The following REDIC1 variants were observed in gnomAD, a reference collection of about 807,000 sequenced individuals.
REDIC1 encodes the protein regulator of DNA class I crossover intermediates 1.
the REDIC1 span, among the ~76,000 whole-genome samples, chr12:39,663,179 T>C: frequency 6.6e-6 from 1 of 152,002 alleles, no homozygotes; most frequent in Non-Finnish European, 1.5e-5. Flanking sequence ...TTTTGTGTAG[T>C]TGATCTGTCT....
the REDIC1 span, among the ~76,000 whole-genome samples, chr12:39,895,677 C>T: frequency 8.3e-3 from 308 of 37,282 alleles, 46 homozygotes; most frequent in African/African-American, 0.018. Context: ...TGCGTGTATA[C>T]GTACACACAT....
At chr12:39,876,773 G>A in the REDIC1 span, among the ~76,000 whole-genome samples, 6 of 152,062 alleles carry the variant, frequency 3.9e-5, no homozygotes, top group Non-Finnish European at 7.4e-5. Context: ...CTATAAAGAC[G>A]TTAATTTCAT....
the REDIC1 span, among the ~76,000 whole-genome samples, chr12:39,723,649 A>G: frequency 6.6e-6 from 1 of 152,140 alleles, no homozygotes; most frequent in African/African-American, 2.4e-5. Context: ...ATGAAAATTT[A>G]ATGATTCTGC....
chr12:39,705,091 ATT>A, the REDIC1 span, among the ~76,000 whole-genome samples: 10 of 150,908 alleles, frequency 6.6e-5, no homozygotes, highest in African/African-American at 2.2e-4. Flanking sequence ...ATAAAATTAA[ATT>A]AAAAAAATAA....
chr12:39,631,232 A>G, the REDIC1 span, among the ~76,000 whole-genome samples: 92,428 of 152,068 alleles, frequency 0.61, 29,654 homozygotes, highest in Non-Finnish European at 0.71. Flanking sequence ...TTTTGATGGC[A>G]TTTTGTTCAA....
the REDIC1 span, among the ~76,000 whole-genome samples, chr12:39,764,249 G>T: frequency 2.0e-5 from 3 of 152,012 alleles, no homozygotes; most frequent in Admixed American, 2.0e-4. Flanking sequence ...AAGCACTGTG[G>T]AACAAGAAGC....
chr12:39,680,467 T>A, the REDIC1 span, among the ~76,000 whole-genome samples: 3 of 152,010 alleles, frequency 2.0e-5, no homozygotes, highest in East Asian at 5.8e-4. Flanking sequence ...AATTAAAAAA[T>A]GAAAAAATAA....
chr12:39,728,780 CTTT>C, the REDIC1 span, among the ~76,000 whole-genome samples: 16 of 92,170 alleles, frequency 1.7e-4, no homozygotes, highest in South Asian at 2.5e-3. Context: ...TGGTCCTGGG[CTTT>C]TTTTTTTTTT....
At chr12:39,698,069 T>A in the REDIC1 span, among the ~76,000 whole-genome samples, 7 of 151,974 alleles carry the variant, frequency 4.6e-5, no homozygotes, top group Middle Eastern at 3.2e-3. Context: ...AAAAAGATAT[T>A]CCAAGCCAAT....
the REDIC1 span, among the ~76,000 whole-genome samples, chr12:39,768,281 G>A: frequency 5.9e-5 from 9 of 152,200 alleles, no homozygotes; most frequent in Admixed American, 4.6e-4. Flanking sequence ...TGGTTTGATC[G>A]TCTATCCAGA....
At chr12:39,802,485 A>G in the REDIC1 span, 1 of 152,188 alleles carries the variant, frequency 6.6e-6, no homozygotes, top group Non-Finnish European at 1.5e-5. Flanking sequence ...GGGCCACTTC[A>G]TACAAGGTCT....
At chr12:39,665,141 C>T in the REDIC1 span, among the ~76,000 whole-genome samples, 5 of 151,874 alleles carry the variant, frequency 3.3e-5, no homozygotes, top group East Asian at 9.7e-4. Context: ...ACATGAAGTC[C>T]TTGCCCATGC....
At chr12:39,692,530 C>T in the REDIC1 span, among the ~76,000 whole-genome samples, 1 of 69,060 alleles carries the variant, frequency 1.4e-5, no homozygotes, top group Non-Finnish European at 3.1e-5. Flanking sequence ...TATTTTTCTG[C>T]AACTTGCTTT....
At chr12:39,662,749 G>A in the REDIC1 span, among the ~76,000 whole-genome samples, 11 of 152,010 alleles carry the variant, frequency 7.2e-5, no homozygotes, top group African/African-American at 2.2e-4. Context: ...CATTCAGTAT[G>A]ATACCTGTGG....
chr12:39,668,617 G>T, the REDIC1 span, among the ~76,000 whole-genome samples: 163 of 152,256 alleles, frequency 1.1e-3, no homozygotes, highest in African/African-American at 3.9e-3. Context: ...GCTAGACTGG[G>T]GAGGTTCTCC....
At chr12:39,664,923 GT>G in the REDIC1 span, among the ~76,000 whole-genome samples, 1 of 151,942 alleles carries the variant, frequency 6.6e-6, no homozygotes, top group Admixed American at 6.6e-5. Context: ...TGATGCGGTT[GT>G]TTTTTTCTTG....
chr12:39,640,891 C>A, the REDIC1 span: 1 of 1,152,460 alleles, frequency 8.7e-7, no homozygotes, highest in Non-Finnish European at 1.3e-6. Context: ...TTAAGCTAAA[C>A]TGGCAGTTGT....
At chr12:39,675,030 G>T in the REDIC1 span, among the ~76,000 whole-genome samples, 55 of 152,122 alleles carry the variant, frequency 3.6e-4, no homozygotes, top group Non-Finnish European at 7.2e-4. Context: ...TCATAGCCTG[G>T]GGCAAGATCT....
chr12:39,691,663 TTTA>T, the REDIC1 span, among the ~76,000 whole-genome samples: 3 of 152,128 alleles, frequency 2.0e-5, no homozygotes, highest in African/African-American at 7.2e-5. Flanking sequence ...TCTAAGAGCT[TTTA>T]TTATTTAAAA....
Sources: gnomAD v4.1 joint callset for allele counts (sites outside exome capture counted in the v4.1 genomes callset) on GRCh38, gnomAD v4.1.1 for gene constraint, MANE v1.5 for transcripts, NCBI Gene and HGNC (gene_info 2026-07-23, HGNC 2026-07-21) for gene names.